SVIL: variants seen among roughly 807,000 people sequenced by gnomAD.
SVIL encodes supervillin.
In SVIL, 101 loss-of-function variants were observed where a neutral mutation model predicts 240.4. The observed-to-expected ratio is 0.42, with a 90% confidence interval of 0.36 to 0.50. The LOEUF is 0.50. Ranked by LOEUF, SVIL falls within the 20% of genes least tolerant of loss-of-function variation. The pLI is 0.01. For missense variants in SVIL, 2,512 were observed against 2,818.7 expected, an observed-to-expected ratio of 0.89 and a Z score of 2.46; for synonymous variants, 999 against 1,100.0, an observed-to-expected ratio of 0.91 and a Z score of 1.82.
At chr10:29,474,596 AATAAAT>A (rs1945970014) in intron 29 of SVIL, among the ~76,000 whole-genome samples, 2 of 2,438 alleles carry the variant, frequency 8.2e-4, no homozygotes, top group South Asian at 0.029. Context: ...CTCTCTTACA[AATAAAT>A]AAATAAATAA....
Position 29,695,986 on chromosome 10 carries a change from T to C in SVIL, c.-399-9335A>G, listed in dbSNP as rs564018947. Among the ~76,000 whole-genome samples the C allele has an allele frequency of 4.4e-3, 598 of 136,376 alleles. 3 individuals are homozygous for C. Among genetic ancestry groups the C allele is most frequent in the East Asian group, 0.022 (88 of 3,944 alleles). 89.5% of individuals were successfully genotyped at this position (136,376 alleles called of 152,430 possible). ...TCCCTCTCCCTCTCCTTTCCACGGT[T>C]TCCCTCTCATGCCGGGCCAAAGCTG... On this transcript the variant is annotated intron_variant, in intron 1 of 35. Coordinates refer to the SVIL transcript ENST00000375400.
At chr10:29,530,221 G>T (rs1192029719) in intron 11 of SVIL, among the ~76,000 whole-genome samples, 1 of 152,042 alleles carries the variant, frequency 6.6e-6, no homozygotes, top group Non-Finnish European at 1.5e-5. Context: ...AGGAAATGGG[G>T]GTAGTAAAAA....
chr10:29,522,693 G>C, intron 15 of SVIL, 58 bp from the exon 16 acceptor site: 1 of 1,554,980 alleles, frequency 6.4e-7, no homozygotes, highest in Non-Finnish European at 8.7e-7. Flanking sequence ...TTCTTCCAGC[G>C]ATTCGCCCTC....
At chr10:29,583,173 C>T (rs181898540) in intron 1 of SVIL, among the ~76,000 whole-genome samples, 2 of 152,336 alleles carry the variant, frequency 1.3e-5, no homozygotes, top group Admixed American at 1.3e-4. Context: ...TTCTGGCTCT[C>T]CTTGTTCTCA....
chr10:29,717,615 G>T (rs1364291452), intron 1 of SVIL, among the ~76,000 whole-genome samples: 3 of 152,158 alleles, frequency 2.0e-5, no homozygotes, highest in Non-Finnish European at 2.9e-5. Context: ...ACAATTCTGA[G>T]CTGGCATAAG....
chr10:29,694,014 T>C (rs1961726228), intron 1 of SVIL, among the ~76,000 whole-genome samples: 1 of 152,082 alleles, frequency 6.6e-6, no homozygotes, highest in African/African-American at 2.4e-5. Context: ...TTCTAGATCC[T>C]ATGATGGGCT....
intron 18 of SVIL, among the ~76,000 whole-genome samples, chr10:29,498,088 CAAAAAAAAAAAAAAAAAAAAA>C: frequency 2.7e-5 from 1 of 37,482 alleles, no homozygotes; most frequent in East Asian, 9.2e-4. Context: ...TCCCCTCCAC[CAAAAAAAAAAAAAAAAAAAAA>C]AAAAAAAAGA....
intron 25 of SVIL, 38 bp downstream of exon 25, chr10:29,486,372 C>T: frequency 6.2e-7 from 1 of 1,608,762 alleles, no homozygotes; most frequent in East Asian, 2.2e-5. Context: ...AAAGGAGATT[C>T]AAGTCTCGTC....
At chr10:29,527,370 C>A (rs12259428) in intron 12 of SVIL, among the ~76,000 whole-genome samples, 1 of 152,104 alleles carries the variant, frequency 6.6e-6, no homozygotes, top group African/African-American at 2.4e-5. Flanking sequence ...TATTAGCTAT[C>A]AAAAAATCAG....
At chr10:29,648,736 A>T (rs566097701) in intron 3 of SVIL, among the ~76,000 whole-genome samples, 1 of 152,296 alleles carries the variant, frequency 6.6e-6, no homozygotes, top group South Asian at 2.1e-4. Context: ...TTCATCCCAG[A>T]TAACCACTCT....
chr10:29,669,730 C>T (rs779716694), intron 2 of SVIL, among the ~76,000 whole-genome samples: 7 of 152,074 alleles, frequency 4.6e-5, no homozygotes, highest in Middle Eastern at 3.2e-3. Context: ...AGATGGAGAT[C>T]GAGATGTTGG....
intron 1 of SVIL, among the ~76,000 whole-genome samples, chr10:29,700,164 T>C (rs898060521): frequency 6.6e-6 from 1 of 152,032 alleles, no homozygotes; most frequent in Non-Finnish European, 1.5e-5. Context: ...AGCTTGGGAG[T>C]TGGCTGAAGG....
At chr10:29,496,668 T>C (rs550419110) in intron 18 of SVIL, among the ~76,000 whole-genome samples, 62 of 152,326 alleles carry the variant, frequency 4.1e-4, no homozygotes, top group African/African-American at 1.5e-3. Flanking sequence ...AATTACAAAA[T>C]GTTAAAACAA....
rs766015860 is a variant in SVIL at position 29,524,551 on chromosome 10, C to T, written c.2507G>A (p.Arg836Gln). ...SQPVSKAIST[R>Q]NRIDTRQRRM... ...CCTCTGTCTCGTGTCTATTCTGTTC[C>T]GGGTAGAAATCGCTTTTGAGACTGG... Residue 836 changes from arginine to glutamine, a missense_variant, in exon 14 of 38, where the codon CGG becomes CAG. By Grantham distance (43) the Arg-to-Gln change is conservative (BLOSUM62 1). Transcript: ENST00000355867. 30 of 1,613,928 alleles carry T rather than the reference C, an allele frequency of 1.9e-5. No homozygotes were observed. Among genetic ancestry groups the T allele is most frequent in the East Asian group, 1.6e-4 (7 of 44,866 alleles).
chr10:29,510,938 GTGT>G (rs1197021314), intron 17 of SVIL, among the ~76,000 whole-genome samples: 2 of 118,708 alleles, frequency 1.7e-5, no homozygotes, highest in Non-Finnish European at 3.5e-5. Context: ...AGATTGCCCA[GTGT>G]GGGCTACAAA....
intron 1 of SVIL, among the ~76,000 whole-genome samples, chr10:29,624,969 G>A (rs557782024): frequency 4.8e-4 from 73 of 152,168 alleles, no homozygotes; most frequent in Admixed American, 6.5e-4. Context: ...AAAATTAAAC[G>A]TAAAAATAGT....
chr10:29,532,466 G>C, intron 8 of SVIL, 63 bp downstream of exon 8: 2 of 1,547,358 alleles, frequency 1.3e-6, no homozygotes, highest in South Asian at 1.3e-5. Flanking sequence ...AGGTCGAGGA[G>C]TGAATCATTC....
At chr10:29,496,548 C>A in intron 18 of SVIL, 1 of 368,098 alleles carries the variant, frequency 2.7e-6, no homozygotes, top group Non-Finnish European at 5.4e-6. Context: ...GGGCAAACCC[C>A]GCTGCCATGG....
intron 2 of SVIL, among the ~76,000 whole-genome samples, chr10:29,659,850 T>G (rs1366908525): frequency 6.6e-6 from 1 of 152,162 alleles, no homozygotes; most frequent in African/African-American, 2.4e-5. Context: ...AATCTCTTTA[T>G]TACTAAAAAG....
Sources: gnomAD v4.1 joint callset for allele counts (sites outside exome capture counted in the v4.1 genomes callset) on GRCh38, gnomAD v4.1.1 for gene constraint, MANE v1.5 for transcripts, NCBI Gene and HGNC (gene_info 2026-07-23, HGNC 2026-07-21) for gene names.